NUTM1: variants seen among roughly 807,000 people sequenced by gnomAD.
NUTM1 encodes the protein NUT midline carcinoma family member 1.
In NUTM1, 39 loss-of-function variants were observed where a neutral mutation model predicts 88.7. The ratio of observed to expected loss-of-function variants is 0.44; its 90% CI spans 0.34 to 0.57. NUTM1 has a LOEUF of 0.57. Among genes scored for constraint, NUTM1 ranks in the 20% least tolerant of loss-of-function variants. The pLI, the probability that NUTM1 is intolerant of heterozygous loss-of-function variation, is 0.01. For synonymous variants in NUTM1, 494 were observed against 538.0 expected (o/e 0.92, Z 1.13); for missense variants, 1,350 against 1,414.5 (o/e 0.95, Z 0.73).
In NUTM1 at chr15:34,356,151, G is replaced by C; in HGVS notation, c.2143G>C (p.Ala715Pro). Residue 715 changes from alanine (A) to proline (P), a missense_variant, in exon 8 of 8, where the codon GCC becomes CCC. Physicochemically the swap from Ala to Pro is conservative, Grantham distance 27 (BLOSUM62 -1). This residue lies in a region of NUTM1 where 730 missense variants were observed against 728.8 expected (regional missense o/e 1.00). Coordinates refer to ENST00000537011, the MANE Select transcript of NUTM1 (RefSeq NM_001284292.2). ...AGTGCCCTGGGAAGGCTCTTCAGGAGCCATGTGGGGAGATGACAGAGGTAC... is the reference window on the plus strand; with the variant it reads ...AGTGCCCTGGGAAGGCTCTTCAGGACCCATGTGGGGAGATGACAGAGGTAC... ...LAVPWEGSSG[A>P]MWGDDRGTPM... 1 of 1,612,274 alleles carries C rather than the reference G, an allele frequency of 6.2e-7. No individual in the cohort carries two copies. The highest frequency in any genetic ancestry group is 8.5e-7 in the Non-Finnish European group (1 of 1,178,562).
rs1033586568 is a variant in NUTM1, at chr15:34,350,970, C to G, written c.938+138C>G. 3.0e-5 allele frequency: 33 copies of G among 1,102,050 alleles called. No homozygotes were observed. In the South Asian group the frequency reaches 4.6e-4, roughly 15 times the overall value. The allele number at this position is 1,102,050 out of a possible 1,614,324, so 68.3% of individuals were successfully genotyped here. On this transcript the variant is annotated intron_variant, in intron 4 of 7. Transcript: ENST00000537011. ...GCAGCGGCTCACGCCTGTAATCCCA[C>G]CACTTTGGGAGGCCAAGGCCGGTGG...
rs761449337 is a variant in NUTM1 at position 34,348,438 on chromosome 15, T to TCCACCA, written c.574_579dup (p.Pro192_Pro193dup). ...GTCCTCCAGGCCTTCCGCCTCAGCC[T>TCCACCA]CCACCACCAGTTGCTCAACTGGTCC... On this transcript the variant is annotated inframe_insertion, in exon 3 of 8. Transcript: ENST00000537011. 30 of 1,614,104 alleles carry TCCACCA rather than the reference T, an allele frequency of 1.9e-5. No homozygotes were observed. The highest frequency in any genetic ancestry group is 9.9e-5 in the South Asian group (9 of 91,076).
rs371638413 is a variant in NUTM1 at position 34,348,580 on chromosome 15, G to A, written c.712G>A (p.Val238Ile). The A allele has an allele frequency of 1.7e-5, 28 of 1,613,326 alleles. No homozygotes were observed. The highest frequency in any genetic ancestry group is 1.3e-4 in the South Asian group (12 of 91,086). Residue 238 changes from valine to isoleucine, a missense_variant, in exon 3 of 8, where the codon GTT becomes ATT. Physicochemically the swap from Val to Ile is conservative, Grantham distance 29 (BLOSUM62 3). This residue lies in a region of NUTM1 where 399 missense variants were observed against 397.9 expected (regional missense o/e 1.00). Coordinates refer to ENST00000537011, the MANE Select transcript of NUTM1 (RefSeq NM_001284292.2). ...LGDRSKISKD[V>I]YENFRQWQRY... ...TGACCGCTCCAAAATTTCCAAGGAC[G>A]TTTATGAGAACTTCCGTCAGTGGCA...
In NUTM1 at chr15:34,355,014, T is replaced by C; in HGVS notation, c.1363-7T>C. ...AGACTTACATCGCTTTTCCTTCTGT[T>C]ATCCAGGTGGAGGCTGTCATTCACC... is the stretch of plus-strand genomic sequence containing the variant. On this transcript the variant is annotated splice_region_variant and splice_polypyrimidine_tract_variant and intron_variant, in intron 6 of 7. Coordinates refer to ENST00000537011, the MANE Select transcript of NUTM1 (RefSeq NM_001284292.2). This position sits in a 1 kb window ranked among gnomAD's most constrained non-coding sequence, Gnocchi z 4.3. The C allele has an allele frequency of 6.2e-7, 1 of 1,601,102 alleles. No individual in the cohort carries two copies. The highest frequency in any genetic ancestry group is 8.6e-7 in the Non-Finnish European group (1 of 1,168,362).
At position 34,356,029 on chromosome 15, in the gene NUTM1, T is replaced by C. The variant is rs193102399; in HGVS notation, c.2021T>C (p.Leu674Pro). Reference protein sequence around the residue: ...LDAGLAELAPLQGQGLEKQVL... With the variant: ...LDAGLAELAPPQGQGLEKQVL... ...GCTGGACTTGCAGAGCTGGCTCCTC[T>C]GCAAGGACAAGGGTTAGAAAAGCAA... The change falls in exon 8 of 8, where the codon CTG becomes CCG. Residue 674 changes from leucine (L) to proline (P), a missense_variant. Around this residue, in one of 5 missense-constraint regions of NUTM1, gnomAD observed 730 missense variants for 728.8 expected, o/e 1.00. Coordinates refer to ENST00000537011, the MANE Select transcript of NUTM1 (RefSeq NM_001284292.2). 7 of 1,614,072 alleles carry C rather than the reference T, an allele frequency of 4.3e-6. No homozygotes were observed. The East Asian group carries it at 6.7e-5, about 15-fold the overall frequency.
Position 34,356,493 on chromosome 15 carries a change from A to G in NUTM1, c.2485A>G (p.Asn829Asp), listed in dbSNP as rs370179051. 11 of 1,613,784 alleles carry G rather than the reference A, an allele frequency of 6.8e-6. No individual in the cohort carries two copies. The African/African-American group carries it at 9.3e-5, about 14-fold the overall frequency. ...TGCGGCAGCTGCCCTAGAAAAGAGA[A>G]ACTATTGCAGCTTGCCAGGACCTTT... Reference protein sequence around the residue: ...TVAAAALEKRNYCSLPGPLRA... With the variant: ...TVAAAALEKRDYCSLPGPLRA... The change falls in exon 8 of 8, where the codon AAC (asparagine) becomes GAC (aspartate). Residue 829 changes from asparagine (N) to aspartate (D), a missense_variant. By Grantham distance (23) the Asn-to-Asp change is conservative. Transcript: ENST00000537011.
In NUTM1 at chr15:34,348,653, C is replaced by G. The variant is rs759407827; in HGVS notation, c.785C>G (p.Thr262Arg). ...ARRHLSQSPD[T>R]EALSCFLIPV... ...AGGCACCTATCCCAGAGTCCTGACA[C>G]AGAAGCTCTTTCCTGTTTTCTTATG... The change falls in exon 3 of 8, where the codon ACA (threonine) becomes AGA (arginine). Residue 262 changes from threonine to arginine, a missense_variant. Transcript: ENST00000537011. 17 of 1,605,740 alleles carry G rather than the reference C, an allele frequency of 1.1e-5. No homozygotes were observed. In the Admixed American group the frequency reaches 2.7e-4, roughly 25 times the overall value.
chr15:34,345,838 C>T, intron 1 of NUTM1, 104 bp from the exon 2 acceptor site: 1 of 1,476,104 alleles, frequency 6.8e-7, no homozygotes. Context: ...ACTTTTCCCT[C>T]TCCCCTCCCC....
intron 1 of NUTM1, 113 bp from the exon 2 acceptor site, chr15:34,345,829 C>A: frequency 6.9e-7 from 1 of 1,452,784 alleles, no homozygotes; most frequent in Non-Finnish European, 9.1e-7. Flanking sequence ...CCTCACCCCA[C>A]TTTTCCCTCT....
chr15:34,345,058 A>T (rs1455512800), intron 1 of NUTM1, among the ~76,000 whole-genome samples: 1 of 152,188 alleles, frequency 6.6e-6, no homozygotes, highest in Non-Finnish European at 1.5e-5. Flanking sequence ...TTTGTTAGAA[A>T]GGAAAATGAT....
chr15:34,344,177 GC>G (rs981001372), intron 1 of NUTM1, among the ~76,000 whole-genome samples: 47 of 145,432 alleles, frequency 3.2e-4, no homozygotes, highest in African/African-American at 9.3e-4. Flanking sequence ...AGCTGAGATA[GC>G]ACCACTGCAC....
intron 3 of NUTM1, among the ~76,000 whole-genome samples, chr15:34,349,932 A>G (rs1370769481): frequency 6.6e-6 from 1 of 152,116 alleles, no homozygotes; most frequent in Non-Finnish European, 1.5e-5. Flanking sequence ...TGTGCTTCAC[A>G]CTCAGGGGCT....
intron 4 of NUTM1, among the ~76,000 whole-genome samples, chr15:34,353,163 G>A (rs1478084678): frequency 6.6e-6 from 1 of 151,322 alleles, no homozygotes; most frequent in East Asian, 2.0e-4. Context: ...GGGGTTACAG[G>A]CGTGAGCCAC....
Position 34,356,846 on chromosome 15 carries a change from G to A in NUTM1, c.2838G>A (p.Glu946=), listed in dbSNP as rs768690067. The A allele has an allele frequency of 6.2e-7, 1 of 1,612,400 alleles. No homozygotes were observed. The highest frequency in any genetic ancestry group is 1.1e-5 in the South Asian group (1 of 90,944). ...GTGGCCTCCAACTAAGGGTCAGCGA[G>A]GACACCTGCCCACTGAATGTTCATT... The part of the protein sequence containing the change: ...DDCGLQLRVS[E]DTCPLNVHSY... Residue 946 remains glutamate, a synonymous_variant, in exon 8 of 8, where the codon GAG becomes GAA. Transcript: ENST00000537011.
At chr15:34,349,122 T>G (rs1270417782) in intron 3 of NUTM1, among the ~76,000 whole-genome samples, 1 of 152,118 alleles carries the variant, frequency 6.6e-6, no homozygotes, top group Non-Finnish European at 1.5e-5. Flanking sequence ...GGGGGAACAG[T>G]GTGGGGCCAG....
intron 4 of NUTM1, among the ~76,000 whole-genome samples, chr15:34,351,520 TC>T (rs909172643): frequency 6.6e-6 from 1 of 151,932 alleles, no homozygotes; most frequent in Middle Eastern, 3.2e-3. Flanking sequence ...TCTTGAAAGC[TC>T]CCCCCTCACC....
Position 34,350,805 on chromosome 15 carries a change from G to C in NUTM1, c.911G>C (p.Arg304Pro). 1 of 1,614,064 alleles carries C rather than the reference G, an allele frequency of 6.2e-7. No homozygotes were observed. The highest frequency in any genetic ancestry group is 8.5e-7 in the Non-Finnish European group (1 of 1,179,984). Reference sequence around the variant, plus strand: ...TGGGAGCACACCAGCAACTTTGACCGGATGATCTTTTATGAGATGGCAGAA... The same window carrying C: ...TGGGAGCACACCAGCAACTTTGACCCGATGATCTTTTATGAGATGGCAGAA... Reference protein sequence around the residue: ...QEWEHTSNFDRMIFYEMAERF... With the variant: ...QEWEHTSNFDPMIFYEMAERF... The change falls in exon 4 of 8, where the codon CGG becomes CCG. Residue 304 changes from arginine to proline, a missense_variant. Around this residue, in one of 5 missense-constraint regions of NUTM1, gnomAD observed 399 missense variants for 397.9 expected, o/e 1.00. Coordinates refer to ENST00000537011, the MANE Select transcript of NUTM1 (RefSeq NM_001284292.2).
chr15:34,357,564 C>T lies in NUTM1; in HGVS notation c.*73C>T. 6.2e-7 allele frequency: 1 copy of T among 1,606,544 alleles called. No homozygotes were observed. On this transcript the variant is annotated 3_prime_UTR_variant, in exon 8 of 8. Transcript: ENST00000537011. The stretch of plus-strand genomic sequence containing the variant: ...TGCCCCAGAGTAGATTCCACCCCTG[C>T]TGCCCACCAATGGAGAATCCCAATG...
intron 6 of NUTM1, 115 bp downstream of exon 6, chr15:34,354,847 AGTAAT>A: frequency 8.8e-7 from 1 of 1,138,632 alleles, no homozygotes. Context: ...TCTATAACTG[AGTAAT>A]GTGTGTGCAT....
Sources: allele counts gnomAD v4.1 joint callset (sites outside exome capture counted in the v4.1 genomes callset), GRCh38; gene constraint gnomAD v4.1.1; regional missense constraint gnomAD v4.1.1; non-coding constraint Gnocchi (gnomAD v3.1); transcripts MANE v1.5; gene names NCBI Gene and HGNC (gene_info 2026-07-23, HGNC 2026-07-21).